Variants in SAMMSON observed in about 807,000 individuals in gnomAD.
SAMMSON encodes the protein survival associated mitochondrial melanoma specific oncogenic non-coding RNA, also known as long intergenic non-protein coding RNA 1212.
intron 7 of SAMMSON, among the ~76,000 whole-genome samples, chr3:70,295,330 G>A (rs6549331): frequency 0.4 from 60,723 of 151,984 alleles, 12,593 homozygotes; most frequent in South Asian, 0.56. Context: ...TTAACATCTA[G>A]TGAGTCCAGA....
chr3:70,104,248 A>C (rs1338102052), intron 4 of SAMMSON, among the ~76,000 whole-genome samples: 1 of 151,664 alleles, frequency 6.6e-6, no homozygotes, highest in African/African-American at 2.4e-5. Context: ...TTAGTGTAGC[A>C]ATCAGCAAAA....
At chr3:70,108,918 C>G (rs1442898848) in intron 4 of SAMMSON, among the ~76,000 whole-genome samples, 1 of 152,114 alleles carries the variant, frequency 6.6e-6, no homozygotes, top group Admixed American at 6.5e-5. Context: ...GAATAATATA[C>G]CACAGATGTA....
At chr3:70,068,951 A>G (rs1010920575) in intron 3 of SAMMSON, 3 of 152,108 alleles carry the variant, frequency 2.0e-5, no homozygotes, top group Non-Finnish European at 4.4e-5. Context: ...GTTCAAGAGT[A>G]TTTATTTAAC....
At chr3:70,375,662 T>G (rs1464775849) in intron 9 of SAMMSON, among the ~76,000 whole-genome samples, 1 of 152,166 alleles carries the variant, frequency 6.6e-6, no homozygotes, top group Non-Finnish European at 1.5e-5. Context: ...ATATGCCAAC[T>G]TCATCTGCTT....
At chr3:70,261,125 A>G (rs1040890402) in intron 6 of SAMMSON, among the ~76,000 whole-genome samples, 16 of 152,178 alleles carry the variant, frequency 1.1e-4, no homozygotes, top group Non-Finnish European at 1.8e-4. Flanking sequence ...CAAAAATCAG[A>G]TGTCCATTAG....
intron 3 of SAMMSON, among the ~76,000 whole-genome samples, chr3:70,022,979 T>C (rs2067021895): frequency 6.6e-6 from 1 of 152,148 alleles, no homozygotes; most frequent in Non-Finnish European, 1.5e-5. Flanking sequence ...ATTAAGACAA[T>C]GGTTAGAAGA....
rs192018616 is a variant in SAMMSON at position 70,143,101 on chromosome 3, G to C, written n.507+71536G>C. Reference sequence around the variant, plus strand: ...AGGGATGCATGAGAATTTTAGACTTGTTACTTGACCATTTGCTTTCCCAAC... The same window carrying C: ...AGGGATGCATGAGAATTTTAGACTTCTTACTTGACCATTTGCTTTCCCAAC... On this transcript the variant is annotated intron_variant and non_coding_transcript_variant, in intron 4 of 9. Coordinates refer to ENST00000642114, the Ensembl canonical transcript of SAMMSON. Among the ~76,000 whole-genome samples the C allele has an allele frequency of 6.2e-4, 95 of 152,172 alleles. No individual in the cohort carries two copies. In the Middle Eastern group the frequency reaches 0.014, roughly 22 times the overall value.
At chr3:70,392,519 A>G (rs1701058026), downstream of SAMMSON, among the ~76,000 whole-genome samples, 2 of 152,024 alleles carry the variant, frequency 1.3e-5, no homozygotes, top group African/African-American at 4.8e-5. Context: ...TATAAGGCTC[A>G]CCCTAGGCAA....
chr3:70,030,647 A>G (rs1022075591), intron 3 of SAMMSON: 2 of 152,196 alleles, frequency 1.3e-5, no homozygotes, highest in Non-Finnish European at 2.9e-5. Flanking sequence ...GGTGGAAGTG[A>G]ATTTTAAGCA....
intron 4 of SAMMSON, among the ~76,000 whole-genome samples, chr3:70,154,948 A>C (rs116540687): frequency 0.025 from 3,807 of 152,044 alleles, 68 homozygotes; most frequent in Middle Eastern, 0.041. Context: ...AAACAGAATA[A>C]TGTTTTAGGA....
At chr3:70,139,081 C>T (rs2067517382) in intron 4 of SAMMSON, among the ~76,000 whole-genome samples, 1 of 152,188 alleles carries the variant, frequency 6.6e-6, no homozygotes, top group Admixed American at 6.5e-5. Context: ...ACTAACCACA[C>T]TTGAAATGTG....
intron 4 of SAMMSON, among the ~76,000 whole-genome samples, chr3:70,170,579 C>CTTTTTTTTTTTTTTTT (rs538385626): frequency 3.3e-4 from 35 of 105,482 alleles, no homozygotes; most frequent in Non-Finnish European, 4.3e-4. Context: ...CTAGATTTTC[C>CTTTTTTTTTTTTTTTT]TTTTTTTTTT....
At chr3:70,194,449 G>T (rs1576150109) in intron 4 of SAMMSON, among the ~76,000 whole-genome samples, 1 of 152,134 alleles carries the variant, frequency 6.6e-6, no homozygotes, top group African/African-American at 2.4e-5. Flanking sequence ...ATGTTTTATT[G>T]TGTAAGAATT....
At chr3:70,289,734 T>C (rs1702211038) in intron 6 of SAMMSON, among the ~76,000 whole-genome samples, 1 of 152,182 alleles carries the variant, frequency 6.6e-6, no homozygotes, top group Non-Finnish European at 1.5e-5. Context: ...CATAGTCCCA[T>C]ATTTCTTGGA....
intron 7 of SAMMSON, among the ~76,000 whole-genome samples, chr3:70,345,482 C>T (rs146007315): frequency 6.6e-6 from 1 of 152,180 alleles, no homozygotes; most frequent in African/African-American, 2.4e-5. Context: ...ATTTGATTCT[C>T]TAACCTCCTA....
At chr3:70,342,304 TG>T (rs1702717186) in intron 7 of SAMMSON, among the ~76,000 whole-genome samples, 1 of 152,204 alleles carries the variant, frequency 6.6e-6, no homozygotes, top group African/African-American at 2.4e-5. Context: ...ACTTCAAACT[TG>T]TATCTTCAGT....
At chr3:70,401,547 T>A (rs1559581533) in intron 2 of SAMMSON, among the ~76,000 whole-genome samples, 1 of 149,026 alleles carries the variant, frequency 6.7e-6, no homozygotes, top group Non-Finnish European at 1.5e-5. Flanking sequence ...AATTTATTTT[T>A]TAAGAAAAAA....
intron 4 of SAMMSON, among the ~76,000 whole-genome samples, chr3:70,236,357 C>A (rs1170562293): frequency 5.3e-5 from 8 of 152,244 alleles, no homozygotes; most frequent in Non-Finnish European, 2.9e-5. Context: ...TATATATTCA[C>A]TTCTTGTATA....
intron 4 of SAMMSON, among the ~76,000 whole-genome samples, chr3:70,160,958 A>G (rs1213016986): frequency 6.6e-6 from 1 of 152,010 alleles, no homozygotes; most frequent in Non-Finnish European, 1.5e-5. Context: ...CATATTCTCA[A>G]TTTTATTTTT....
Sources: allele counts gnomAD v4.1 joint callset (sites outside exome capture counted in the v4.1 genomes callset), GRCh38; gene constraint gnomAD v4.1.1; transcripts MANE v1.5; gene names NCBI Gene and HGNC (gene_info 2026-07-23, HGNC 2026-07-21).